Variants in IQSEC3 observed in about 807,000 individuals in gnomAD.
IQSEC3 encodes the protein IQ motif and Sec7 domain ArfGEF 3.
In IQSEC3, 50 loss-of-function variants were observed where a neutral mutation model predicts 105.4. The observed-to-expected ratio is 0.47, with a 90% CI of 0.38 to 0.60. IQSEC3 has a LOEUF of 0.60. Among genes scored for constraint, IQSEC3 ranks in the 20% least tolerant of loss-of-function variants. The pLI is 0.00. For missense variants in IQSEC3, 1,415 were observed against 1,630.0 expected, an observed-to-expected ratio of 0.87 and a Z score of 2.27; for synonymous variants, 708 against 746.0, an observed-to-expected ratio of 0.95 and a Z score of 0.83.
intron 2 of IQSEC3, among the ~76,000 whole-genome samples, chr12:109,316 T>C (rs1864791455): frequency 6.6e-6 from 1 of 152,188 alleles, no homozygotes; most frequent in South Asian, 2.1e-4. Context: ...CATCCAGCCC[T>C]GCAGCCCTCC....
At chr12:172,753 C>G (rs1939073991) in intron 13 of IQSEC3, among the ~76,000 whole-genome samples, 1 of 152,228 alleles carries the variant, frequency 6.6e-6, no homozygotes, top group African/African-American at 2.4e-5. Context: ...CTTTCATGAG[C>G]AGGGAGGTGA....
At chr12:115,474 C>T (rs1865020304) in intron 2 of IQSEC3, among the ~76,000 whole-genome samples, 1 of 152,152 alleles carries the variant, frequency 6.6e-6, no homozygotes, top group Non-Finnish European at 1.5e-5. Context: ...CATAACAGGG[C>T]TCCGCGAGGG....
intron 1 of IQSEC3, among the ~76,000 whole-genome samples, chr12:84,899 C>CTCA (rs1863866893): frequency 2.6e-5 from 4 of 152,162 alleles, no homozygotes; most frequent in Admixed American, 2.6e-4. Flanking sequence ...AGCCCAGAGG[C>CTCA]CACCTCCTCT....
At chr12:120,264 G>A (rs1336375762) in intron 2 of IQSEC3, among the ~76,000 whole-genome samples, 1 of 152,214 alleles carries the variant, frequency 6.6e-6, no homozygotes, top group Non-Finnish European at 1.5e-5. Flanking sequence ...TGACGATGCA[G>A]AGAAAGGAGT....
At chr12:165,391 GTGTC>G (rs1555097914) in intron 9 of IQSEC3, 39 bp from the exon 10 acceptor site, 1 of 1,473,012 alleles carries the variant, frequency 6.8e-7, no homozygotes, top group Non-Finnish European at 9.5e-7. Flanking sequence ...GTGTCCGTGA[GTGTC>G]TGTTCATCAG....
At chr12:89,896 CG>C (rs1458703698) in intron 1 of IQSEC3, among the ~76,000 whole-genome samples, 5 of 152,062 alleles carry the variant, frequency 3.3e-5, no homozygotes, top group Non-Finnish European at 7.4e-5. Context: ...TGAATAGTTT[CG>C]TATCAGTATA....
At chr12:108,091 TCCCTAACCCTAACCCTAA>T in intron 2 of IQSEC3, among the ~76,000 whole-genome samples, 1 of 152,096 alleles carries the variant, frequency 6.6e-6, no homozygotes, top group East Asian at 1.9e-4. Context: ...ACAAGCCTGT[TCCCTAACCCTAACCCTAA>T]CCCTAACCCT....
intron 13 of IQSEC3, 180 bp downstream of exon 13, chr12:171,341 C>G: frequency 9.3e-6 from 15 of 1,609,374 alleles, no homozygotes; most frequent in Non-Finnish European, 1.3e-5. Context: ...TGCCACTGTT[C>G]CAGCGCCTAA....
chr12:109,495 C>G (rs537666287), intron 2 of IQSEC3, among the ~76,000 whole-genome samples: 63 of 152,274 alleles, frequency 4.1e-4, no homozygotes, highest in African/African-American at 1.5e-3. Flanking sequence ...ATCCACTCAC[C>G]CTTCCACATC....
chr12:121,134 GC>G (rs1464428364), intron 2 of IQSEC3, among the ~76,000 whole-genome samples: 7 of 152,168 alleles, frequency 4.6e-5, no homozygotes, highest in African/African-American at 1.4e-4. Context: ...GGGCCAGGCT[GC>G]CTGAAATCTG....
In IQSEC3 at chr12:174,682, C is replaced by A. The variant is rs1939176911; in HGVS notation, c.3198C>A (p.Asp1066Glu). The part of the protein sequence containing the change: ...AERGAPVPPP[D>E]LQPSPPRQQT... Reference sequence around the variant, plus strand: ...GGGGAGCGCCGGTGCCGCCGCCAGACCTGCAGCCTAGCCCCCCGAGACAGC... The same window carrying A: ...GGGGAGCGCCGGTGCCGCCGCCAGAACTGCAGCCTAGCCCCCCGAGACAGC... Residue 1066 changes from aspartate (D) to glutamate (E), a missense_variant, in exon 14 of 14, where the codon GAC becomes GAA. Asp to Glu is a conservative substitution (Grantham distance 45). Transcript: ENST00000538872. 2 of 1,592,490 alleles carry A rather than the reference C, an allele frequency of 1.3e-6. No homozygotes were observed. Among genetic ancestry groups the A allele is most frequent in the South Asian group, 2.2e-5 (2 of 90,102 alleles).
At chr12:159,099 C>G (rs1193131742) in intron 7 of IQSEC3, among the ~76,000 whole-genome samples, 1 of 152,264 alleles carries the variant, frequency 6.6e-6, no homozygotes, top group Non-Finnish European at 1.5e-5. Context: ...CACACACACT[C>G]CAAAGCTGAG....
Position 139,273 on chromosome 12 carries a change from C to T in IQSEC3, c.1910C>T (p.Pro637Leu), listed in dbSNP as rs1865918500. The T allele has an allele frequency of 6.2e-6, 10 of 1,610,030 alleles. No homozygotes were observed. The highest frequency in any genetic ancestry group is 7.6e-6 in the Non-Finnish European group (9 of 1,178,560). ...LSLPRYHCEN[P>L]ASCKSPTLST... ...CTGCCGCGCTACCACTGCGAGAACC[C>T]AGCCAGCTGCAAGTCGCCCACGCTC... is the stretch of plus-strand genomic sequence containing the variant. The change falls in exon 4 of 14, where the codon CCA (proline) becomes CTA (leucine). Residue 637 changes from proline (P) to leucine (L), a missense_variant. Physicochemically the swap from Pro to Leu is moderately conservative, Grantham distance 98 (BLOSUM62 -3). Around this residue, in one of 6 missense-constraint regions of IQSEC3, gnomAD observed 213 missense variants for 306.2 expected, o/e 0.70. Transcript: ENST00000538872.
chr12:103,961 G>A (rs1555077179), intron 2 of IQSEC3, among the ~76,000 whole-genome samples: 2 of 126,154 alleles, frequency 1.6e-5, no homozygotes, highest in African/African-American at 5.6e-5. Flanking sequence ...TCCAGAGCAA[G>A]AAGGGATCTG....
intron 13 of IQSEC3, 138 bp from the exon 14 acceptor site, chr12:174,461 T>G: frequency 3.8e-6 from 3 of 783,490 alleles, no homozygotes; most frequent in Non-Finnish European, 5.8e-6. Flanking sequence ...AGTCTTCTTG[T>G]GGGTGGAGAG....
chr12:82,423 G>A (rs1334755073), intron 1 of IQSEC3, among the ~76,000 whole-genome samples: 1 of 152,202 alleles, frequency 6.6e-6, no homozygotes. Flanking sequence ...ATAAAGAGAA[G>A]CAAAGAAATG....
At chr12:109,957 A>C (rs1864823698) in intron 2 of IQSEC3, among the ~76,000 whole-genome samples, 1 of 152,106 alleles carries the variant, frequency 6.6e-6, no homozygotes, top group African/African-American at 2.4e-5. Context: ...CTGGCCCCTG[A>C]CAATCTGCAA....
chr12:109,255 G>A (rs1555078858), intron 2 of IQSEC3, among the ~76,000 whole-genome samples: 1 of 152,234 alleles, frequency 6.6e-6, no homozygotes, highest in Non-Finnish European at 1.5e-5. Context: ...GGCACTGTGA[G>A]AACAGTCGAG....
chr12:84,993 G>A (rs781847513), intron 1 of IQSEC3, among the ~76,000 whole-genome samples: 15 of 152,138 alleles, frequency 9.9e-5, no homozygotes, highest in South Asian at 4.1e-4. Flanking sequence ...GTGGGTCCTC[G>A]GGAGGTCGTC....
Sources: gnomAD v4.1 joint callset for allele counts (sites outside exome capture counted in the v4.1 genomes callset) on GRCh38, gnomAD v4.1.1 for gene constraint, gnomAD v4.1.1 regional missense constraint, MANE v1.5 for transcripts, NCBI Gene and HGNC (gene_info 2026-07-23, HGNC 2026-07-21) for gene names.